The following CLPB variants were observed in gnomAD, a reference collection of about 807,000 sequenced individuals.
CLPB encodes the protein ClpB family mitochondrial disaggregase, also known as mitochondrial disaggregase.
In CLPB, 40 loss-of-function variants were observed where a neutral mutation model predicts 78.4. That is an observed-to-expected ratio of 0.51 (90% CI 0.40 to 0.66). The LOEUF (loss-of-function observed/expected upper bound fraction) is 0.66. Ranked by LOEUF, CLPB falls within the 30% of genes least tolerant of loss-of-function variation. The pLI is 0.00. For missense variants in CLPB, 780 were observed against 886.9 expected (o/e 0.88, Z 1.53); for synonymous variants, 333 against 348.0 (o/e 0.96, Z 0.48).
intron 11 of CLPB, 90 bp from the exon 12 acceptor site, chr11:72,295,738 C>A: frequency 7.8e-7 from 1 of 1,277,210 alleles, no homozygotes; most frequent in South Asian, 1.4e-5. Context: ...TTCAGGAGGC[C>A]TCCCCAGAGC....
chr11:72,388,212 G>C (rs1472944978), intron 3 of CLPB, among the ~76,000 whole-genome samples: 1 of 151,582 alleles, frequency 6.6e-6, no homozygotes, highest in African/African-American at 2.4e-5. Context: ...ATCCAAGACA[G>C]TGACTCATCC....
At chr11:72,319,231 G>A (rs995554203) in intron 6 of CLPB, among the ~76,000 whole-genome samples, 1 of 152,152 alleles carries the variant, frequency 6.6e-6, no homozygotes, top group African/African-American at 2.4e-5. Flanking sequence ...GGGACCTCTG[G>A]TACACTTAAA....
chr11:72,374,110 G>A (rs1239432525), intron 4 of CLPB, among the ~76,000 whole-genome samples: 1 of 152,168 alleles, frequency 6.6e-6, no homozygotes, highest in Non-Finnish European at 1.5e-5. Context: ...AATCCATGAT[G>A]GGCAGACATC....
chr11:72,363,912 C>T (rs755779690), intron 4 of CLPB, among the ~76,000 whole-genome samples: 1 of 152,188 alleles, frequency 6.6e-6, no homozygotes, highest in Non-Finnish European at 1.5e-5. Context: ...AAGCCTCTGG[C>T]CTCTCAGCTT....
At chr11:72,309,131 T>A (rs1320936948) in intron 7 of CLPB, among the ~76,000 whole-genome samples, 1 of 152,114 alleles carries the variant, frequency 6.6e-6, no homozygotes, top group South Asian at 2.1e-4. Flanking sequence ...CACAGCCAAA[T>A]GCATTTTCTG....
At chr11:72,316,244 T>C (rs1361806787) in intron 7 of CLPB, among the ~76,000 whole-genome samples, 3 of 152,302 alleles carry the variant, frequency 2.0e-5, no homozygotes, top group East Asian at 3.9e-4. Context: ...AATTTTTGAT[T>C]CCACAGGTAT....
intron 9 of CLPB, among the ~76,000 whole-genome samples, chr11:72,305,560 G>C (rs1234339740): frequency 1.3e-5 from 2 of 152,298 alleles, no homozygotes; most frequent in African/African-American, 4.8e-5. Flanking sequence ...AAGTTTACCT[G>C]CCTAGGGCCA....
At chr11:72,415,871 T>C (rs377135006) in intron 2 of CLPB, among the ~76,000 whole-genome samples, 14 of 152,320 alleles carry the variant, frequency 9.2e-5, no homozygotes, top group African/African-American at 3.1e-4. Context: ...CATGCCACAC[T>C]GGAATTCAGA....
Position 72,308,599 on chromosome 11 carries a change from G to A in CLPB, c.994C>T (p.Arg332Trp). Residue 332 changes from arginine to tryptophan, a missense_variant, in exon 8 of 16, where the codon CGG (arginine) becomes TGG (tryptophan). Around this residue, in one of 3 missense-constraint regions of CLPB, gnomAD observed 91 missense variants for 168.2 expected, o/e 0.54. Coordinates refer to ENST00000538039, the MANE Select transcript of CLPB (RefSeq NM_001258392.3). Reference sequence around the variant, plus strand: ...TCGTACCAGCCATTCTCCTTCCTCCGGATCGCTACGGCCAAACACACAAGA... The same window carrying A: ...TCGTACCAGCCATTCTCCTTCCTCCAGATCGCTACGGCCAAACACACAAGA... ...SAIATVGAAI[R>W]RKENGWYDEE... The A allele has an allele frequency of 3.1e-6, 5 of 1,613,960 alleles. No individual in the cohort carries two copies. The highest frequency in any genetic ancestry group is 4.2e-6 in the Non-Finnish European group (5 of 1,179,846).
chr11:72,302,401 G>A, intron 9 of CLPB, 53 bp from the exon 10 acceptor site: 1 of 1,538,316 alleles, frequency 6.5e-7, no homozygotes, highest in East Asian at 2.2e-5. Flanking sequence ...AAAGTGAAGA[G>A]AAGGGTTAGG....
At chr11:72,302,653 C>G (rs960536512) in intron 9 of CLPB, 3 of 357,352 alleles carry the variant, frequency 8.4e-6, no homozygotes, top group Non-Finnish European at 1.6e-5. Flanking sequence ...TCCACCCACC[C>G]ATCCATCCAT....
chr11:72,405,797 A>C (rs111614263), intron 2 of CLPB, among the ~76,000 whole-genome samples: 46 of 152,234 alleles, frequency 3.0e-4, no homozygotes, highest in African/African-American at 1.1e-3. Flanking sequence ...GCGTGGTGGC[A>C]GGCACGTGTA....
At chr11:72,297,700 T>TGTGC (rs1294715631) in intron 11 of CLPB, among the ~76,000 whole-genome samples, 11 of 121,966 alleles carry the variant, frequency 9.0e-5, no homozygotes, top group Non-Finnish European at 1.3e-4. Context: ...TGTGTGTGTG[T>TGTGC]GTGACATGTC....
intron 2 of CLPB, among the ~76,000 whole-genome samples, chr11:72,406,674 C>T (rs1159336257): frequency 6.6e-6 from 1 of 152,186 alleles, no homozygotes; most frequent in Non-Finnish European, 1.5e-5. Context: ...AAGATGTGAT[C>T]ACACAGGATG....
intron 6 of CLPB, 38 bp downstream of exon 6, chr11:72,329,669 G>A (rs1950187070): frequency 2.9e-6 from 4 of 1,357,400 alleles, no homozygotes; most frequent in African/African-American, 1.4e-5. Flanking sequence ...AATGATGCAT[G>A]GAGTACCCAC....
In CLPB at chr11:72,366,994, C is replaced by T. The variant is rs368857086; in HGVS notation, c.647-7986G>A. On this transcript the variant is annotated intron_variant, in intron 4 of 15. Coordinates refer to ENST00000538039, the MANE Select transcript of CLPB (RefSeq NM_001258392.3). ...AATCTAGGTGCCCATCAGTGGTGGACGGAATAAGGAAAACATGGTACTATA... is the reference window on the plus strand; with the variant it reads ...AATCTAGGTGCCCATCAGTGGTGGATGGAATAAGGAAAACATGGTACTATA... Among the ~76,000 whole-genome samples, 106 of 151,968 alleles carry T rather than the reference C, an allele frequency of 7.0e-4. 2 individuals are homozygous for T. The South Asian group carries it at 0.022, about 31-fold the overall frequency.
intron 2 of CLPB, among the ~76,000 whole-genome samples, chr11:72,404,392 G>A (rs964338845): frequency 1.3e-5 from 2 of 152,218 alleles, no homozygotes; most frequent in Non-Finnish European, 2.9e-5. Flanking sequence ...ACGATCTATA[G>A]TAAATGTCCC....
At chr11:72,429,773 C>T (rs1856491825) in intron 2 of CLPB, among the ~76,000 whole-genome samples, 1 of 152,238 alleles carries the variant, frequency 6.6e-6, no homozygotes, top group South Asian at 2.1e-4. Context: ...ATTCAACCTG[C>T]CAGTGGTCAC....
intron 6 of CLPB, among the ~76,000 whole-genome samples, chr11:72,319,464 G>C (rs1017356895): frequency 2.6e-5 from 4 of 152,204 alleles, no homozygotes; most frequent in Non-Finnish European, 4.4e-5. Flanking sequence ...AATTCTTTCA[G>C]CTGTCTCCAT....
Sources: allele counts gnomAD v4.1 joint callset (sites outside exome capture counted in the v4.1 genomes callset), GRCh38; gene constraint gnomAD v4.1.1; regional missense constraint gnomAD v4.1.1; transcripts MANE v1.5; gene names NCBI Gene and HGNC (gene_info 2026-07-23, HGNC 2026-07-21).